Variants in SYNJ2 observed in about 807,000 individuals in gnomAD.
SYNJ2 encodes the protein synaptojanin 2, also known as polyphosphatidylinositol phosphatase SYNJ2.
Under a neutral mutation model 141.3 loss-of-function variants are expected in SYNJ2, and 116 were observed. That is an observed-to-expected ratio of 0.82 (90% confidence interval 0.71 to 0.96). The LOEUF is 0.96. SYNJ2 is among the 40% of genes least tolerant of loss of function. The probability of loss-of-function intolerance (pLI) is 0.00; values close to 1 mark genes in which losing one functional copy is unlikely to be tolerated. For missense variants in SYNJ2, 1,873 were observed against 1,934.8 expected (o/e 0.97, Z 0.60); for synonymous variants, 745 against 777.7 (o/e 0.96, Z 0.70).
chr6:158,076,396 T>C (rs144248239), intron 16 of SYNJ2, among the ~76,000 whole-genome samples: 1,713 of 151,506 alleles, frequency 0.011, 35 homozygotes, highest in African/African-American at 0.039. Context: ...GACACTGGAG[T>C]GGGTGGGGAG....
chr6:158,076,836 C>A (rs559102696), intron 17 of SYNJ2, 54 bp downstream of exon 17: 5 of 1,552,988 alleles, frequency 3.2e-6, no homozygotes, highest in Non-Finnish European at 2.6e-6. Flanking sequence ...AGAAATGCGA[C>A]GGAGGGAGAG....
At chr6:158,016,107 T>A (rs1006279092) in intron 1 of SYNJ2, among the ~76,000 whole-genome samples, 1 of 152,162 alleles carries the variant, frequency 6.6e-6, no homozygotes, top group Non-Finnish European at 1.5e-5. Flanking sequence ...TTCTGGACGT[T>A]TCATAGAAAT....
Position 158,083,608 on chromosome 6 carries a change from C to G in SYNJ2, c.3034+11C>G. ...ACTATGAGTCAGAAGGTTAGTGACC[C>G]TGCAGGGAGGGACAGGCAAGCCGTT... On this transcript the variant is annotated intron_variant, in intron 21 of 26. Transcript: ENST00000355585. The G allele has an allele frequency of 6.2e-7, 1 of 1,613,882 alleles. No individual in the cohort carries two copies. The highest frequency in any genetic ancestry group is 8.5e-7 in the Non-Finnish European group (1 of 1,179,908).
rs1782659730 is a variant in SYNJ2 at position 158,081,243 on chromosome 6, TAGAAG to T, written c.2707_2711del (p.Glu903LysfsTer10). On this transcript the variant is annotated frameshift_variant, in exon 19 of 27. Coordinates refer to ENST00000355585, the MANE Select transcript of SYNJ2 (RefSeq NM_003898.4). LOFTEE classifies it high-confidence loss of function. The stretch of plus-strand genomic sequence containing the variant: ...GTAGTAAACCTTCAATCACCGACCT[TAGAAG>T]AGAAAAACGAGTTTCCAGAGGACCT... 6.2e-7 allele frequency: 1 copy of T among 1,613,974 alleles called. No homozygotes were observed. The highest frequency in any genetic ancestry group is 8.5e-7 in the Non-Finnish European group (1 of 1,180,038).
In SYNJ2 at chr6:158,017,249, C is replaced by T. The variant is rs750091072; in HGVS notation, c.173C>T (p.Thr58Met). The change falls in exon 2 of 27, where the codon ACG becomes ATG. Residue 58 changes from threonine to methionine, a missense_variant. Transcript: ENST00000355585. ...ATTAAAGGACAGTATGGCAAGCTCA[C>T]GGACGCGTACGGCTGCCTGGGGGAG... Reference protein sequence around the residue: ...EVIKGQYGKLTDAYGCLGELR... With the variant: ...EVIKGQYGKLMDAYGCLGELR... 10 of 1,613,090 alleles carry T rather than the reference C, an allele frequency of 6.2e-6. No individual in the cohort carries two copies. Among genetic ancestry groups the T allele is most frequent in the Non-Finnish European group, 1.7e-6 (2 of 1,179,898 alleles).
In SYNJ2 at chr6:157,982,223, A is replaced by G; in HGVS notation, c.127+135A>G. The G allele has an allele frequency of 8.7e-7, 1 of 1,154,144 alleles. No homozygotes were observed. Among genetic ancestry groups the G allele is most frequent in the Non-Finnish European group, 1.1e-6 (1 of 913,094 alleles). 71.5% of individuals were successfully genotyped at this position (1,154,144 alleles called of 1,614,324 possible). A position where few individuals can be genotyped will look rare whatever the true frequency, so the allele number is the denominator to read the frequency against. On this transcript the variant is annotated intron_variant, in intron 1 of 26. Transcript: ENST00000355585. This position sits in a 1 kb window ranked among gnomAD's most constrained non-coding sequence, Gnocchi z 4.0. ...CTGCCGGGGCGTAGGGGTCGCGCGC[A>G]GAGGGGTGGCTGTTTGAATGAAGTG...
At chr6:158,095,223 C>G (rs1783729469) in intron 26 of SYNJ2, among the ~76,000 whole-genome samples, 1 of 152,012 alleles carries the variant, frequency 6.6e-6, no homozygotes, top group Non-Finnish European at 1.5e-5. Flanking sequence ...ACACAAGTTA[C>G]TTCACCCTAG....
chr6:158,050,596 G>A (rs1241486899), intron 5 of SYNJ2, among the ~76,000 whole-genome samples: 2 of 152,192 alleles, frequency 1.3e-5, no homozygotes, highest in Non-Finnish European at 2.9e-5. Flanking sequence ...CAAGCCTGAG[G>A]CCTCAGAAAA....
Position 158,060,742 on chromosome 6 carries a change from C to A in SYNJ2, c.955-1250C>A, listed in dbSNP as rs575409666. Among the ~76,000 whole-genome samples the A allele has an allele frequency of 4.6e-5, 7 of 152,378 alleles. No individual in the cohort carries two copies. In the South Asian group the frequency reaches 1.4e-3, roughly 32 times the overall value. On this transcript the variant is annotated intron_variant, in intron 7 of 26. Coordinates refer to ENST00000355585, the MANE Select transcript of SYNJ2 (RefSeq NM_003898.4). ...TAAAAAATAAGAATAATAATAAGAA[C>A]CCCAAGTCCTTTTCCCCTATGCCTT... is the stretch of plus-strand genomic sequence containing the variant.
chr6:158,015,394 A>G (rs1380784173), intron 1 of SYNJ2, among the ~76,000 whole-genome samples: 1 of 152,194 alleles, frequency 6.6e-6, no homozygotes, highest in Non-Finnish European at 1.5e-5. Context: ...ATCCAGCCCA[A>G]GGGTTCTTCT....
Position 158,096,259 on chromosome 6 carries a change from G to A in SYNJ2, c.4386G>A (p.Glu1462=). 1 of 1,614,246 alleles carries A rather than the reference G, an allele frequency of 6.2e-7. No homozygotes were observed. The highest frequency in any genetic ancestry group is 8.5e-7 in the Non-Finnish European group (1 of 1,180,052). ...VSAGASAAKA[E]LPPDHEHKTL... ...CTGGCGCTTCAGCTGCCAAGGCAGA[G>A]CTGCCACCAGATCATGAACACAAAA... The change falls in exon 27 of 27, where the codon GAG becomes GAA. Residue 1462 remains glutamate (E), a synonymous_variant. Transcript: ENST00000355585.
At position 158,070,159 on chromosome 6, in the gene SYNJ2, T is replaced by G. The variant is rs764358068; in HGVS notation, c.1940+486T>G. 2.0e-6 allele frequency: 2 copies of G among 985,850 alleles called. No individual in the cohort carries two copies. Among genetic ancestry groups the G allele is most frequent in the Non-Finnish European group, 2.4e-6 (2 of 830,274 alleles). 61.1% of individuals were successfully genotyped at this position (985,850 alleles called of 1,614,324 possible). A position where few individuals can be genotyped will look rare whatever the true frequency, so the allele number is the denominator to read the frequency against. ...AAGGGGGCGAGCTTAGGGGCGGCAT[T>G]CCTCTTGGGGTGTGGGTGTGGGTGT... On this transcript the variant is annotated intron_variant, in intron 14 of 26. Coordinates refer to ENST00000355585, the MANE Select transcript of SYNJ2 (RefSeq NM_003898.4). The surrounding 1 kb of genome is among the most constrained non-coding windows in gnomAD (Gnocchi z 4.0).
chr6:157,994,154 GTC>G (rs1370313358), intron 1 of SYNJ2, among the ~76,000 whole-genome samples: 1 of 152,062 alleles, frequency 6.6e-6, no homozygotes, highest in Non-Finnish European at 1.5e-5. Flanking sequence ...TGTTTAAACT[GTC>G]TGTTTTATAT....
intron 26 of SYNJ2, among the ~76,000 whole-genome samples, 161 bp downstream of exon 26, chr6:158,093,265 G>A (rs1422158097): frequency 3.9e-5 from 6 of 151,922 alleles, no homozygotes; most frequent in Non-Finnish European, 5.9e-5. Context: ...GTGAAACCCC[G>A]TCTCTACTAA....
At position 158,070,768 on chromosome 6, in the gene SYNJ2, A is replaced by G. The variant is rs1168571698; in HGVS notation, c.1941-834A>G. ...AAATGTGCTTGCAGCCCATGTTTCT[A>G]TGGACTCGTATGCGTCATAAGTGGG... On this transcript the variant is annotated intron_variant, in intron 14 of 26. Transcript: ENST00000355585. The surrounding 1 kb of genome is among the most constrained non-coding windows in gnomAD (Gnocchi z 4.0). Among the ~76,000 whole-genome samples, 1 of 152,138 alleles carries G rather than the reference A, an allele frequency of 6.6e-6. No individual in the cohort carries two copies. The highest frequency in any genetic ancestry group is 1.5e-5 in the Non-Finnish European group (1 of 68,032).
chr6:158,054,620 GT>G (rs1554246005), intron 5 of SYNJ2, among the ~76,000 whole-genome samples: 4 of 152,226 alleles, frequency 2.6e-5, no homozygotes, highest in Non-Finnish European at 4.4e-5. Context: ...TGTCTCCACA[GT>G]TGGCTTCACT....
At chr6:158,045,099 CTTTTTTTT>C (rs761042284) in intron 5 of SYNJ2, among the ~76,000 whole-genome samples, 1 of 112,282 alleles carries the variant, frequency 8.9e-6, no homozygotes, top group African/African-American at 3.6e-5. Context: ...AGGGGTCCTC[CTTTTTTTT>C]TTTTTTTTTT....
intron 1 of SYNJ2, among the ~76,000 whole-genome samples, chr6:158,005,705 C>T (rs1352565769): frequency 9.2e-5 from 14 of 152,114 alleles, no homozygotes. Context: ...GCTCTGTCCA[C>T]TCCCCCACCC....
chr6:158,044,331 G>A (rs1780120391), intron 5 of SYNJ2, among the ~76,000 whole-genome samples: 1 of 152,216 alleles, frequency 6.6e-6, no homozygotes, highest in Non-Finnish European at 1.5e-5. Context: ...GCCAGGAGCA[G>A]GTGAGTCACT....
Sources: allele counts gnomAD v4.1 joint callset (sites outside exome capture counted in the v4.1 genomes callset), GRCh38; gene constraint gnomAD v4.1.1; non-coding constraint Gnocchi (gnomAD v3.1); transcripts MANE v1.5; gene names NCBI Gene and HGNC (gene_info 2026-07-23, HGNC 2026-07-21).